Variants in PCDH15 observed in about 807,000 individuals in gnomAD.
PCDH15 encodes the protein protocadherin related 15.
PCDH15 carries 129 observed loss-of-function variants against 178.5 expected under a neutral mutation model. The observed-to-expected ratio is 0.72, with a 90% CI of 0.63 to 0.84. PCDH15 has a LOEUF of 0.84. Among genes scored for constraint, PCDH15 ranks in the 40% least tolerant of loss-of-function variants. The pLI, the probability that PCDH15 is intolerant of heterozygous loss-of-function variation, is 0.00. For synonymous variants in PCDH15, 800 were observed against 732.0 expected, an observed-to-expected ratio of 1.09 and a Z score of -1.50; for missense variants, 2,230 against 2,099.9, an observed-to-expected ratio of 1.06 and a Z score of -1.21.
intron 3 of PCDH15, among the ~76,000 whole-genome samples, chr10:54,412,284 G>A (rs1589268309): frequency 6.7e-6 from 1 of 150,092 alleles, no homozygotes; most frequent in African/African-American, 2.4e-5. Context: ...TTATATATAT[G>A]TTAAGTAAAA....
intron 2 of PCDH15, among the ~76,000 whole-genome samples, chr10:55,054,378 T>C (rs1286106407): frequency 6.6e-6 from 1 of 152,198 alleles, no homozygotes; most frequent in African/African-American, 2.4e-5. Context: ...TATGGCTGCA[T>C]AGTACTCCAT....
chr10:54,437,767 T>G (rs1258186940), intron 3 of PCDH15, among the ~76,000 whole-genome samples: 1 of 152,222 alleles, frequency 6.6e-6, no homozygotes, highest in Admixed American at 6.5e-5. Context: ...TGCAATATAC[T>G]AATCCAATCA....
intron 16 of PCDH15, among the ~76,000 whole-genome samples, chr10:54,081,920 T>C (rs1439670384): frequency 1.3e-5 from 2 of 152,024 alleles, no homozygotes; most frequent in African/African-American, 4.8e-5. Context: ...AACAGCAAAT[T>C]TGATGAAACT....
intron 2 of PCDH15, among the ~76,000 whole-genome samples, chr10:54,637,554 C>T (rs1370032734): frequency 1.3e-5 from 2 of 152,052 alleles, no homozygotes; most frequent in African/African-American, 4.8e-5. Context: ...TCCATAGTCA[C>T]ATTTCCCTCA....
At chr10:54,280,730 G>A (rs748643888) in intron 8 of PCDH15, among the ~76,000 whole-genome samples, 8 of 151,498 alleles carry the variant, frequency 5.3e-5, no homozygotes, top group South Asian at 2.1e-4. Flanking sequence ...GGACACTGTC[G>A]GCTTTTCGTA....
chr10:54,597,272 A>T (rs866492736), intron 2 of PCDH15, among the ~76,000 whole-genome samples: 4 of 152,116 alleles, frequency 2.6e-5, no homozygotes, highest in Non-Finnish European at 5.9e-5. Flanking sequence ...CACAATAAAC[A>T]TAGAATTGAA....
intron 3 of PCDH15, among the ~76,000 whole-genome samples, chr10:54,380,807 A>C (rs925291551): frequency 2.0e-5 from 3 of 147,164 alleles, no homozygotes; most frequent in African/African-American, 7.5e-5. Context: ...TTTACAAAGC[A>C]AATAGTTTAT....
At chr10:54,171,750 T>C (rs564862199) in intron 13 of PCDH15, among the ~76,000 whole-genome samples, 2,100 of 152,200 alleles carry the variant, frequency 0.014, 48 homozygotes, top group African/African-American at 0.048. Flanking sequence ...CTTTTATACC[T>C]GTTTTTCTCC....
intron 2 of PCDH15, among the ~76,000 whole-genome samples, chr10:55,417,111 C>T (rs751619655): frequency 2.0e-5 from 3 of 151,732 alleles, no homozygotes; most frequent in Non-Finnish European, 4.4e-5. Context: ...GTATTTGTGA[C>T]ATTTGGAAAT....
intron 3 of PCDH15, among the ~76,000 whole-genome samples, chr10:54,471,665 TATAGA>T (rs990775037): frequency 5.9e-5 from 9 of 151,634 alleles, no homozygotes; most frequent in African/African-American, 1.7e-4. Context: ...TTTTTTTTAC[TATAGA>T]ATATAGTTTC....
At chr10:54,599,729 A>C (rs2092435866) in intron 2 of PCDH15, 2 of 464,886 alleles carry the variant, frequency 4.3e-6, no homozygotes, top group South Asian at 1.9e-5. Context: ...AAAGAAGGGG[A>C]AAAGGAAGAA....
In PCDH15 at chr10:53,831,484, A is replaced by T; in HGVS notation, c.4033T>A (p.Tyr1345Asn). Residue 1345 changes from tyrosine (Y) to asparagine (N), a missense_variant, in exon 30 of 38, where the codon TAT becomes AAT. Coordinates refer to ENST00000644397, the MANE Select transcript of PCDH15 (RefSeq NM_001384140.1). ...LDINKDFQPY[Y>N]GEGGRILEIR... ...TCCAGAATGCGTCCTCCTTCCCCAT[A>T]ATACGGCTGAAAGTCTTTATTGATA... 1.1e-5 allele frequency: 17 copies of T among 1,614,168 alleles called. No homozygotes were observed. The highest frequency in any genetic ancestry group is 1.4e-5 in the Non-Finnish European group (17 of 1,180,022).
At chr10:53,832,995 A>C (rs2077100632) in intron 29 of PCDH15, among the ~76,000 whole-genome samples, 1 of 151,988 alleles carries the variant, frequency 6.6e-6, no homozygotes, top group African/African-American at 2.4e-5. Flanking sequence ...GCAATTTTCC[A>C]AGCTCATTGT....
intron 2 of PCDH15, among the ~76,000 whole-genome samples, chr10:54,556,418 A>C (rs962602693): frequency 6.6e-6 from 1 of 152,142 alleles, no homozygotes; most frequent in Non-Finnish European, 1.5e-5. Context: ...AATTTTTGCT[A>C]TGTTGTCAAG....
intron 2 of PCDH15, among the ~76,000 whole-genome samples, chr10:55,166,387 T>C (rs894938857): frequency 1.3e-5 from 2 of 152,204 alleles, no homozygotes; most frequent in African/African-American, 2.4e-5. Context: ...ACTACTTGAT[T>C]AACTATTTTC....
intron 2 of PCDH15, among the ~76,000 whole-genome samples, chr10:54,946,513 A>T (rs1480825992): frequency 6.6e-6 from 1 of 151,836 alleles, no homozygotes; most frequent in African/African-American, 2.4e-5. Context: ...ACGCAAAAAC[A>T]TACACAATGT....
chr10:55,583,105 C>G (rs1305126498), intron 2 of PCDH15, among the ~76,000 whole-genome samples: 1 of 152,018 alleles, frequency 6.6e-6, no homozygotes, highest in African/African-American at 2.4e-5. Flanking sequence ...AAATGCGGTG[C>G]TCTTCTAATT....
chr10:54,948,225 A>G (rs922364362), intron 2 of PCDH15, among the ~76,000 whole-genome samples: 9 of 152,084 alleles, frequency 5.9e-5, no homozygotes, highest in Middle Eastern at 6.8e-3. Flanking sequence ...CCAGTTTGAA[A>G]GCCTTAAGGC....
chr10:54,400,642 T>C (rs1251627178), intron 3 of PCDH15, among the ~76,000 whole-genome samples: 1 of 152,064 alleles, frequency 6.6e-6, no homozygotes, highest in Non-Finnish European at 1.5e-5. Flanking sequence ...GAAAAGACAA[T>C]AGGAGCCTGA....
Sources: gnomAD v4.1 joint callset for allele counts (sites outside exome capture counted in the v4.1 genomes callset) on GRCh38, gnomAD v4.1.1 for gene constraint, MANE v1.5 for transcripts, NCBI Gene and HGNC (gene_info 2026-07-23, HGNC 2026-07-21) for gene names.